FBXL17: variants seen among roughly 807,000 people sequenced by gnomAD.
FBXL17 encodes the protein F-box/LRR-repeat protein 17.
Under a neutral mutation model 66.2 loss-of-function variants are expected in FBXL17, and 22 were observed. That is an observed-to-expected ratio of 0.33 (90% CI 0.24 to 0.47). The LOEUF is 0.47. FBXL17 is among the 20% of genes least tolerant of loss of function. The pLI, the probability that FBXL17 is intolerant of heterozygous loss-of-function variation, is 1.00. For missense variants in FBXL17, 878 were observed against 948.2 expected, an observed-to-expected ratio of 0.93 and a Z score of 0.97; for synonymous variants, 474 against 400.5, an observed-to-expected ratio of 1.18 and a Z score of -2.19.
rs183706300 is a variant in FBXL17 at position 108,281,211 on chromosome 5, T to C, written c.1507-56983A>G. The stretch of plus-strand genomic sequence containing the variant: ...TAACATTCTGCCCAACTGCAGAATA[T>C]ACATTCTTTTCATCAACACACTGAA... On this transcript the variant is annotated intron_variant, in intron 4 of 8. Transcript: ENST00000542267. Among the ~76,000 whole-genome samples the C allele has an allele frequency of 3.9e-5, 6 of 152,086 alleles. No individual in the cohort carries two copies. The East Asian group carries it at 9.6e-4, about 24-fold the overall frequency.
intron 4 of FBXL17, among the ~76,000 whole-genome samples, chr5:108,229,275 CA>C (rs953586866): frequency 2.6e-5 from 4 of 151,810 alleles, no homozygotes; most frequent in African/African-American, 9.7e-5. Flanking sequence ...AAAACAAAAA[CA>C]AAAAACAAAT....
At chr5:108,158,457 C>A (rs1422043035) in intron 6 of FBXL17, among the ~76,000 whole-genome samples, 3 of 151,876 alleles carry the variant, frequency 2.0e-5, no homozygotes, top group Admixed American at 2.0e-4. Context: ...CAAATTTCCA[C>A]AAATAAAACT....
chr5:108,143,726 G>GGAA (rs755803567), intron 6 of FBXL17, among the ~76,000 whole-genome samples: 2 of 107,546 alleles, frequency 1.9e-5, no homozygotes, highest in African/African-American at 4.1e-5. Context: ...GTTTTCATGG[G>GGAA]AAAAAAAAAA....
chr5:107,979,439 C>T (rs571920530), intron 7 of FBXL17, among the ~76,000 whole-genome samples: 1 of 152,166 alleles, frequency 6.6e-6, no homozygotes, highest in Non-Finnish European at 1.5e-5. Flanking sequence ...CATCCACCTA[C>T]CCATTAGTGC....
intron 6 of FBXL17, among the ~76,000 whole-genome samples, chr5:108,153,730 T>C (rs1469142341): frequency 6.6e-6 from 1 of 152,096 alleles, no homozygotes; most frequent in Non-Finnish European, 1.5e-5. Context: ...TGGAGCTTCA[T>C]TTAAAGTCAG....
chr5:108,142,410 A>G (rs1460160782), intron 6 of FBXL17, among the ~76,000 whole-genome samples: 1 of 152,198 alleles, frequency 6.6e-6, no homozygotes, highest in Non-Finnish European at 1.5e-5. Flanking sequence ...GTACAGACCC[A>G]AAATAATAGA....
At chr5:108,219,847 C>A (rs1479309461) in intron 5 of FBXL17, among the ~76,000 whole-genome samples, 1 of 150,904 alleles carries the variant, frequency 6.6e-6, no homozygotes, top group African/African-American at 2.4e-5. Flanking sequence ...CTTATCAAAT[C>A]ACTAGCTTTT....
At position 107,934,765 on chromosome 5, in the gene FBXL17, G is replaced by A. The variant is rs377233689; in HGVS notation, c.1823-53586C>T. 5.0e-4 allele frequency among the ~76,000 whole-genome samples: 76 copies of A among 152,126 alleles called. 1 individual carries two copies. In the South Asian group the frequency reaches 0.015, roughly 31 times the overall value. Reference sequence around the variant, plus strand: ...GCCATTTCAGGAGGTCACAAGAGCTGGAATCTCTCACTATGTATTATATTT... The same window carrying A: ...GCCATTTCAGGAGGTCACAAGAGCTAGAATCTCTCACTATGTATTATATTT... On this transcript the variant is annotated intron_variant, in intron 7 of 8. Coordinates refer to ENST00000542267, the MANE Select transcript of FBXL17 (RefSeq NM_001163315.3).
chr5:108,161,707 T>G (rs192885594), intron 6 of FBXL17, among the ~76,000 whole-genome samples: 2 of 152,230 alleles, frequency 1.3e-5, no homozygotes, highest in Middle Eastern at 3.2e-3. Flanking sequence ...TCTCCACATA[T>G]GTAAAGAAAT....
chr5:107,947,288 C>T (rs547452560), intron 7 of FBXL17, among the ~76,000 whole-genome samples: 1 of 152,340 alleles, frequency 6.6e-6, no homozygotes, highest in Non-Finnish European at 1.5e-5. Flanking sequence ...TGTCTCATGC[C>T]TCTTCCTTCC....
At chr5:108,097,572 C>T (rs1389666412) in intron 6 of FBXL17, among the ~76,000 whole-genome samples, 1 of 151,730 alleles carries the variant, frequency 6.6e-6, no homozygotes, top group African/African-American at 2.4e-5. Flanking sequence ...GGGCAGATCA[C>T]GAGGTAAGGA....
chr5:108,104,423 T>C (rs997918312), intron 6 of FBXL17, among the ~76,000 whole-genome samples: 13 of 152,332 alleles, frequency 8.5e-5, no homozygotes, highest in African/African-American at 3.1e-4. Context: ...AATAAAGAAG[T>C]CAATCCTCTA....
chr5:108,246,343 A>G (rs529918852), intron 4 of FBXL17, among the ~76,000 whole-genome samples: 1 of 152,254 alleles, frequency 6.6e-6, no homozygotes, highest in Non-Finnish European at 1.5e-5. Flanking sequence ...TCAAAAGTAA[A>G]TAAGTAAATA....
At chr5:108,228,289 T>C (rs1288304326) in intron 4 of FBXL17, among the ~76,000 whole-genome samples, 4 of 152,070 alleles carry the variant, frequency 2.6e-5, no homozygotes, top group Middle Eastern at 3.2e-3. Context: ...TCCCCAAGGA[T>C]AGAAGATCAG....
chr5:108,187,146 T>C (rs952968007), intron 5 of FBXL17, among the ~76,000 whole-genome samples: 14 of 152,210 alleles, frequency 9.2e-5, no homozygotes, highest in Non-Finnish European at 1.8e-4. Context: ...ATTTTCTATT[T>C]CTTTAAGTTT....
At chr5:108,333,205 A>G (rs534696910) in intron 4 of FBXL17, among the ~76,000 whole-genome samples, 1 of 150,262 alleles carries the variant, frequency 6.7e-6, no homozygotes, top group South Asian at 2.1e-4. Context: ...TCCCAAGCAT[A>G]AAATATATTT....
chr5:107,972,676 A>G (rs1179950529), intron 7 of FBXL17, among the ~76,000 whole-genome samples: 2 of 152,146 alleles, frequency 1.3e-5, no homozygotes. Context: ...ATACTATAAG[A>G]CAGTTATTAA....
intron 4 of FBXL17, among the ~76,000 whole-genome samples, chr5:108,319,829 CA>C (rs1759536169): frequency 6.6e-6 from 1 of 151,488 alleles, no homozygotes; most frequent in Non-Finnish European, 1.5e-5. Context: ...TAGATACCAC[CA>C]AAAAGTCAGC....
chr5:108,226,499 T>C (rs1431710076), intron 4 of FBXL17, among the ~76,000 whole-genome samples: 1 of 152,224 alleles, frequency 6.6e-6, no homozygotes, highest in African/African-American at 2.4e-5. Flanking sequence ...AAGAAGTCTT[T>C]TTTTAAAGAA....
Sources: gnomAD v4.1 joint callset for allele counts (sites outside exome capture counted in the v4.1 genomes callset) on GRCh38, gnomAD v4.1.1 for gene constraint, MANE v1.5 for transcripts, NCBI Gene and HGNC (gene_info 2026-07-23, HGNC 2026-07-21) for gene names.